The following TAF1 variants were observed in gnomAD, a reference collection of about 807,000 sequenced individuals.
TAF1 encodes the protein transcription initiation factor TFIID subunit 1.
TAF1 carries 2 observed loss-of-function variants against 138.5 expected under a neutral mutation model. The observed-to-expected ratio is 0.01, with a 90% CI of 0.01 to 0.05. The LOEUF (loss-of-function observed/expected upper bound fraction) is 0.05, where lower values mean the gene tolerates loss of function less well. Among genes scored for constraint, TAF1 ranks in the 10% least tolerant of loss-of-function variants. The probability of loss-of-function intolerance (pLI) is 1.00; values close to 1 mark genes in which losing one functional copy is unlikely to be tolerated. For missense variants in TAF1, 709 were observed against 1,478.0 expected (o/e 0.48, Z 8.53); for synonymous variants, 437 against 503.2 (o/e 0.87, Z 1.76).
intron 13 of TAF1, among the ~76,000 whole-genome samples, chrX:71,519,022 A>G (rs887720747): frequency 5.5e-5 from 6 of 108,372 alleles, no homozygotes; most frequent in African/African-American, 2.0e-4. Context: ...AAAATTCTAT[A>G]AGAATTTTTC....
chrX:71,401,092 C>T (rs2035150978), intron 24 of TAF1, among the ~76,000 whole-genome samples: 1 of 112,373 alleles, frequency 8.9e-6, no homozygotes, highest in Non-Finnish European at 1.9e-5. Flanking sequence ...TGGAAATCTT[C>T]TCTTTATTCT....
In TAF1 at chrX:71,399,984, G is replaced by A. The variant is rs187842471; in HGVS notation, c.3786+1247G>A. On this transcript the variant is annotated intron_variant, in intron 24 of 37. Transcript: ENST00000423759. ...TGACCTCAGGTGATCTGCCCACCTC[G>A]GCCTCCCAAAGTGCTGGGATTACAG... Among the ~76,000 whole-genome samples, 29 of 109,310 alleles carry A rather than the reference G, an allele frequency of 2.7e-4. No individual in the cohort carries two copies. In the East Asian group the frequency reaches 7.6e-3, roughly 29 times the overall value. 94.9% of individuals were successfully genotyped at this position (109,310 alleles called of 115,157 possible).
intron 13 of TAF1, among the ~76,000 whole-genome samples, chrX:71,498,596 C>G (rs1316644890): frequency 2.7e-5 from 3 of 111,037 alleles, no homozygotes; most frequent in Non-Finnish European, 5.7e-5. Context: ...GGTCTTTTAG[C>G]CTGATTTGGA....
intron 32 of TAF1, among the ~76,000 whole-genome samples, chrX:71,442,879 C>T (rs12689345): frequency 0.018 from 1,962 of 111,912 alleles, 38 homozygotes; most frequent in East Asian, 0.13. Flanking sequence ...TTTCTACATA[C>T]GGCTAGACAG....
chrX:71,455,892 G>A (rs764946974), intron 34 of TAF1, among the ~76,000 whole-genome samples: 2 of 111,083 alleles, frequency 1.8e-5, no homozygotes, highest in African/African-American at 6.5e-5. Context: ...TCTATATCTC[G>A]TTCATGCACT....
At chrX:71,523,106 C>T (rs1296799563) in intron 13 of TAF1, among the ~76,000 whole-genome samples, 1 of 100,677 alleles carries the variant, frequency 9.9e-6, no homozygotes, top group Non-Finnish European at 2.0e-5. Flanking sequence ...CGCTTGAGCC[C>T]GGGAGGCAGA....
rs772826760 is a variant in TAF1 at position 71,381,833 on chromosome X, A to G, written c.1451A>G (p.Asn484Ser). Residue 484 changes from asparagine (N) to serine (S), a missense_variant, in exon 9 of 38, where the codon AAT (asparagine) becomes AGT (serine). This residue lies in a region of TAF1 where 201 missense variants were observed against 421.3 expected (regional missense o/e 0.48). Transcript: ENST00000423759. Reference sequence around the variant, plus strand: ...CTGGTATATGGACGCTGGGAGGACAATATCATTTGGGATGCTCAGGCCATG... The same window carrying G: ...CTGGTATATGGACGCTGGGAGGACAGTATCATTTGGGATGCTCAGGCCATG... ...EDLVYGRWED[N>S]IIWDAQAMPR... 44 of 1,200,764 alleles carry G rather than the reference A, an allele frequency of 3.7e-5. No homozygotes were observed. The Middle Eastern group carries it at 1.4e-3, about 38-fold the overall frequency.
Position 71,464,000 on chromosome X carries a change from A to T in TAF1, c.5576A>T (p.Asp1859Val). ...TCAGAGGACGAGGAGGACAGTGAGG[A>T]TTTCCACTCCATTGCTGGGGACAGT... Reference protein sequence around the residue: ...HLSEDEEDSEDFHSIAGDSDL... With the variant: ...HLSEDEEDSEVFHSIAGDSDL... Residue 1859 changes from aspartate to valine, a missense_variant, in exon 38 of 38, where the codon GAT becomes GTT. Transcript: ENST00000423759. 8.3e-7 allele frequency: 1 copy of T among 1,200,524 alleles called. No individual in the cohort carries two copies. Among genetic ancestry groups the T allele is most frequent in the Non-Finnish European group, 1.1e-6 (1 of 889,562 alleles).
intron 13 of TAF1, among the ~76,000 whole-genome samples, chrX:71,476,846 A>G (rs1037632920): frequency 2.7e-5 from 3 of 111,089 alleles, no homozygotes; most frequent in African/African-American, 9.8e-5. Context: ...GGTTATCTAT[A>G]TAGGAAAAAA....
chrX:71,426,672 G>A (rs190673405), intron 32 of TAF1, among the ~76,000 whole-genome samples: 3,752 of 107,695 alleles, frequency 0.035, 178 homozygotes, highest in African/African-American at 0.12. Context: ...CCGAGATGCC[G>A]CCATTGCACT....
intron 24 of TAF1, among the ~76,000 whole-genome samples, chrX:71,399,253 CTTTTTTTTTTTT>C (rs1159549890): frequency 4.3e-5 from 3 of 70,346 alleles, no homozygotes; most frequent in Non-Finnish European, 7.9e-5. Flanking sequence ...CATTTATTCT[CTTTTTTTTTTTT>C]TTTTTTTTTG....
chrX:71,430,209 G>A (rs886795724), intron 32 of TAF1, among the ~76,000 whole-genome samples: 5 of 109,942 alleles, frequency 4.5e-5, no homozygotes, highest in African/African-American at 9.9e-5. Flanking sequence ...GTGAAACCCC[G>A]TCTCTACTAA....
At chrX:71,526,892 A>C (rs1602122092) in intron 13 of TAF1, among the ~76,000 whole-genome samples, 1 of 103,871 alleles carries the variant, frequency 9.6e-6, no homozygotes, top group East Asian at 3.0e-4. Context: ...ACATAGTGAA[A>C]CCCAGTCTCT....
At chrX:71,428,101 C>T (rs1245393587) in intron 32 of TAF1, among the ~76,000 whole-genome samples, 6 of 99,742 alleles carry the variant, frequency 6.0e-5, no homozygotes, top group Non-Finnish European at 8.1e-5. Context: ...CTGCACCCTC[C>T]GCCTCCCGGG....
At chrX:71,458,990 G>A (rs942894505) in intron 35 of TAF1, among the ~76,000 whole-genome samples, 2 of 111,362 alleles carry the variant, frequency 1.8e-5, no homozygotes, top group Non-Finnish European at 3.8e-5. Context: ...TCCAAAGAAT[G>A]GGGGAAAATG....
intron 28 of TAF1, among the ~76,000 whole-genome samples, chrX:71,419,747 A>G (rs1266769872): frequency 9.0e-6 from 1 of 111,039 alleles, no homozygotes; most frequent in African/African-American, 3.3e-5. Flanking sequence ...CCTACCACCC[A>G]CACCCACCTA....
chrX:71,514,258 T>C (rs113104566), intron 13 of TAF1, among the ~76,000 whole-genome samples: 7,740 of 110,001 alleles, frequency 0.07, 505 homozygotes, highest in African/African-American at 0.21. Flanking sequence ...AGTTCAAGGC[T>C]GCAGTGAGCT....
At chrX:71,381,102 T>G (rs769130129) in intron 8 of TAF1, among the ~76,000 whole-genome samples, 6 of 112,747 alleles carry the variant, frequency 5.3e-5, no homozygotes, top group Admixed American at 1.9e-4. Flanking sequence ...ACCGATAACA[T>G]GTTGCATTTG....
At chrX:71,379,952 G>GT (rs1162073685) in intron 8 of TAF1, among the ~76,000 whole-genome samples, 1 of 109,836 alleles carries the variant, frequency 9.1e-6, no homozygotes, top group Non-Finnish European at 1.9e-5. Context: ...GTATATTTTT[G>GT]TTCCCAAGTC....
Sources: gnomAD v4.1 joint callset for allele counts (sites outside exome capture counted in the v4.1 genomes callset) on GRCh38, gnomAD v4.1.1 for gene constraint, gnomAD v4.1.1 regional missense constraint, MANE v1.5 for transcripts, NCBI Gene and HGNC (gene_info 2026-07-23, HGNC 2026-07-21) for gene names.